Variants in DNAAF11 observed in about 807,000 individuals in gnomAD.
DNAAF11 encodes the protein leucine rich repeat containing 6.
Under a neutral mutation model 60.8 loss-of-function variants are expected in DNAAF11, and 45 were observed. That is an observed-to-expected ratio of 0.74 (90% CI 0.58 to 0.95). The LOEUF (loss-of-function observed/expected upper bound fraction) is 0.95, where lower values mean the gene tolerates loss of function less well. DNAAF11 is among the 40% of genes least tolerant of loss of function. DNAAF11 has a pLI of 0.00. For synonymous variants in DNAAF11, 191 were observed against 183.5 expected (o/e 1.04, Z -0.33); for missense variants, 546 against 546.2 (o/e 1.00, Z 0.00).
At chr8:132,628,992 C>T (rs1049591032) in intron 5 of DNAAF11, among the ~76,000 whole-genome samples, 2 of 152,092 alleles carry the variant, frequency 1.3e-5, no homozygotes, top group African/African-American at 4.8e-5. Context: ...AACACAGGTT[C>T]AAATATTATA....
At chr8:132,668,267 T>C (rs1824830172) in intron 1 of DNAAF11, among the ~76,000 whole-genome samples, 1 of 152,244 alleles carries the variant, frequency 6.6e-6, no homozygotes, top group African/African-American at 2.4e-5. Flanking sequence ...ACAGCCGTAC[T>C]ATATCCCAAT....
At chr8:132,692,071 G>C in the DNAAF11 span, among the ~76,000 whole-genome samples, 1 of 152,274 alleles carries the variant, frequency 6.6e-6, no homozygotes, top group East Asian at 1.9e-4. Context: ...ATGAAAAAGA[G>C]AGTAGTAGGG....
the DNAAF11 span, among the ~76,000 whole-genome samples, chr8:132,694,503 CTG>C: frequency 6.6e-6 from 1 of 152,190 alleles, no homozygotes; most frequent in Non-Finnish European, 1.5e-5. Flanking sequence ...GCCTCCGTAA[CTG>C]TGAGAAAATA....
intron 3 of DNAAF11, among the ~76,000 whole-genome samples, chr8:132,647,937 G>C (rs550553859): frequency 6.6e-6 from 1 of 152,162 alleles, no homozygotes; most frequent in African/African-American, 2.4e-5. Flanking sequence ...GGTACAAAGA[G>C]GAGCTGGTAC....
intron 10 of DNAAF11, among the ~76,000 whole-genome samples, chr8:132,593,869 A>G (rs949200572): frequency 6.6e-6 from 1 of 152,116 alleles, no homozygotes; most frequent in Non-Finnish European, 1.5e-5. Flanking sequence ...AACCACTACT[A>G]TATACCACCC....
chr8:132,662,982 C>A (rs550056095), intron 1 of DNAAF11, among the ~76,000 whole-genome samples: 1 of 152,160 alleles, frequency 6.6e-6, no homozygotes, highest in Non-Finnish European at 1.5e-5. Context: ...GTAGGAGATA[C>A]GGGTGCTTGC....
upstream of DNAAF11, among the ~76,000 whole-genome samples, chr8:132,678,916 C>CG (rs1420543422): frequency 6.6e-6 from 1 of 152,020 alleles, no homozygotes; most frequent in African/African-American, 2.4e-5. Flanking sequence ...CTGTGGGACT[C>CG]AAGTATTCTG....
At chr8:132,655,508 T>A (rs997463223) in intron 3 of DNAAF11, among the ~76,000 whole-genome samples, 4 of 152,092 alleles carry the variant, frequency 2.6e-5, no homozygotes, top group Non-Finnish European at 4.4e-5. Flanking sequence ...GCCACCATCA[T>A]GAAAGTTGAA....
chr8:132,674,289 G>C (rs1825552608), intron 1 of DNAAF11, among the ~76,000 whole-genome samples: 1 of 151,986 alleles, frequency 6.6e-6, no homozygotes, highest in Admixed American at 6.6e-5. Context: ...TGAGAAGAGA[G>C]GAAGAAATAT....
rs1268991964 is a variant in DNAAF11, at chr8:132,579,656, C to T, written c.1226+4038G>A. Among the ~76,000 whole-genome samples the T allele has an allele frequency of 3.9e-5, 6 of 152,016 alleles. No individual in the cohort carries two copies. The East Asian group carries it at 1.2e-3, about 29-fold the overall frequency. Reference sequence around the variant, plus strand: ...AAGAAAGTGGGGGGAAAGGGTTGGTCCAAGGTCACTCAGATGGTTCTATAT... The same window carrying T: ...AAGAAAGTGGGGGGAAAGGGTTGGTTCAAGGTCACTCAGATGGTTCTATAT... On this transcript the variant is annotated intron_variant, in intron 11 of 11. Coordinates refer to ENST00000620350, the MANE Select transcript of DNAAF11 (RefSeq NM_012472.6).
At chr8:132,623,252 A>G (rs961580993) in intron 6 of DNAAF11, among the ~76,000 whole-genome samples, 7 of 152,182 alleles carry the variant, frequency 4.6e-5, no homozygotes, top group African/African-American at 1.7e-4. Flanking sequence ...CATTCATGCT[A>G]TAAAATATTT....
chr8:132,602,900 C>T (rs1279045523), intron 10 of DNAAF11, among the ~76,000 whole-genome samples: 2 of 152,076 alleles, frequency 1.3e-5, no homozygotes, highest in Non-Finnish European at 2.9e-5. Context: ...ACAACCTTCA[C>T]TCAAGCTCAA....
At chr8:132,585,635 A>G (rs2131029614) in intron 10 of DNAAF11, among the ~76,000 whole-genome samples, 1 of 152,346 alleles carries the variant, frequency 6.6e-6, no homozygotes, top group South Asian at 2.1e-4. Context: ...TGCACTACAA[A>G]ACTCATAGAA....
At chr8:132,588,705 AAG>A (rs138126895) in intron 10 of DNAAF11, among the ~76,000 whole-genome samples, 12,957 of 152,236 alleles carry the variant, frequency 0.085, 705 homozygotes, top group South Asian at 0.14. Context: ...CATTGCTATA[AAG>A]AAATACCTGA....
chr8:132,594,442 TA>T (rs1353115623), intron 10 of DNAAF11, among the ~76,000 whole-genome samples: 1 of 152,180 alleles, frequency 6.6e-6, no homozygotes, highest in African/African-American at 2.4e-5. Context: ...AAAGTCCTTC[TA>T]AAAATGTAAC....
intron 10 of DNAAF11, among the ~76,000 whole-genome samples, chr8:132,601,966 C>G (rs1234130910): frequency 6.6e-6 from 1 of 151,886 alleles, no homozygotes; most frequent in Non-Finnish European, 1.5e-5. Context: ...CCTTTATTCT[C>G]CATATGACAC....
chr8:132,669,701 T>C (rs1030041355), intron 1 of DNAAF11, among the ~76,000 whole-genome samples: 1 of 152,110 alleles, frequency 6.6e-6, no homozygotes, highest in Non-Finnish European at 1.5e-5. Flanking sequence ...CTGGACATAA[T>C]AGAGTAATAA....
intron 8 of DNAAF11, among the ~76,000 whole-genome samples, chr8:132,611,668 T>C (rs932651584): frequency 2.6e-5 from 4 of 152,156 alleles, no homozygotes; most frequent in Non-Finnish European, 4.4e-5. Flanking sequence ...TCATGAATAT[T>C]TTATTTTAAG....
At chr8:132,679,906 T>C (rs979720024), upstream of DNAAF11, among the ~76,000 whole-genome samples, 1 of 152,302 alleles carries the variant, frequency 6.6e-6, no homozygotes, top group Non-Finnish European at 1.5e-5. Flanking sequence ...CAGTCTCAGG[T>C]ATGTCTTTAT....
Sources: allele counts gnomAD v4.1 joint callset (sites outside exome capture counted in the v4.1 genomes callset), GRCh38; gene constraint gnomAD v4.1.1; transcripts MANE v1.5; gene names NCBI Gene and HGNC (gene_info 2026-07-23, HGNC 2026-07-21).